GABPB1: variants seen among roughly 807,000 people sequenced by gnomAD.
The protein encoded by GABPB1 is GA-binding protein subunit beta-1.
Under a neutral mutation model 45.9 loss-of-function variants are expected in GABPB1, and 15 were observed. The ratio of observed to expected loss-of-function variants is 0.33; its 90% CI spans 0.22 to 0.50. GABPB1 has a LOEUF of 0.50. GABPB1 is among the 20% of genes least tolerant of loss of function. The probability of loss-of-function intolerance (pLI) is 0.98; values close to 1 mark genes in which losing one functional copy is unlikely to be tolerated. For missense variants in GABPB1, 252 were observed against 457.5 expected, an observed-to-expected ratio of 0.55 and a Z score of 4.10; for synonymous variants, 143 against 154.4, an observed-to-expected ratio of 0.93 and a Z score of 0.55.
chr15:50,336,519 A>T (rs1176360167), intron 1 of GABPB1, among the ~76,000 whole-genome samples: 8 of 151,820 alleles, frequency 5.3e-5, no homozygotes, highest in Non-Finnish European at 2.9e-5. Flanking sequence ...AAAAAATTTA[A>T]AAAAATTTTT....
At chr15:50,303,164 T>C in intron 3 of GABPB1, 41 bp from the exon 4 acceptor site, 10 of 1,475,290 alleles carry the variant, frequency 6.8e-6, no homozygotes, top group Non-Finnish European at 9.2e-6. Context: ...ATATGAAATA[T>C]CACATAAAAA....
At chr15:50,282,560 G>GAAAAAAAAA (rs552203074) in intron 8 of GABPB1, among the ~76,000 whole-genome samples, 7 of 89,014 alleles carry the variant, frequency 7.9e-5, no homozygotes, top group Admixed American at 4.3e-4. Flanking sequence ...CCTTAAAAAA[G>GAAAAAAAAA]AAAAAAAAAA....
At chr15:50,340,705 C>T (rs1334197814) in intron 1 of GABPB1, among the ~76,000 whole-genome samples, 1 of 151,874 alleles carries the variant, frequency 6.6e-6, no homozygotes, top group African/African-American at 2.4e-5. Context: ...TTTTAATATG[C>T]ATTTCTCAAA....
chr15:50,349,259 T>C (rs933312140), intron 1 of GABPB1: 3 of 151,440 alleles, frequency 2.0e-5, no homozygotes, highest in African/African-American at 7.2e-5. Flanking sequence ...CATTACTACC[T>C]TGCCCATATA....
chr15:50,335,393 AT>A (rs1330685726), intron 1 of GABPB1, among the ~76,000 whole-genome samples: 3 of 152,168 alleles, frequency 2.0e-5, no homozygotes, highest in African/African-American at 7.2e-5. Flanking sequence ...ACCTCACCCC[AT>A]AAGACTGATG....
intron 1 of GABPB1, among the ~76,000 whole-genome samples, chr15:50,341,324 G>A (rs1457128137): frequency 5.3e-5 from 8 of 151,978 alleles, no homozygotes; most frequent in African/African-American, 1.2e-4. Flanking sequence ...ACCTGAGGTC[G>A]GAGTTCGAGA....
At chr15:50,287,797 T>C (rs2140981707) in intron 7 of GABPB1, among the ~76,000 whole-genome samples, 1 of 152,348 alleles carries the variant, frequency 6.6e-6, no homozygotes, top group East Asian at 1.9e-4. Flanking sequence ...CATCTGACCC[T>C]AATCCAAATT....
intron 1 of GABPB1, among the ~76,000 whole-genome samples, chr15:50,343,672 G>T (rs2048463800): frequency 6.6e-6 from 1 of 152,068 alleles, no homozygotes; most frequent in Admixed American, 6.6e-5. Flanking sequence ...CCGAGTGGCT[G>T]GGACTACAGG....
intron 1 of GABPB1, chr15:50,354,438 C>G (rs902441741): frequency 1.3e-5 from 6 of 449,316 alleles, no homozygotes; most frequent in Non-Finnish European, 2.2e-5. Context: ...GGCCCCGCAG[C>G]ACAGGGCGCC....
At position 50,277,534 on chromosome 15, in the gene GABPB1, C is replaced by A. The variant is rs1009480840; in HGVS notation, c.*1098G>T. The A allele has an allele frequency of 1.3e-5, 2 of 151,950 alleles. No individual in the cohort carries two copies. The highest frequency in any genetic ancestry group is 4.8e-5 in the African/African-American group (2 of 41,360). The allele number at this position is 151,950 out of a possible 1,614,324, so 9.4% of individuals were successfully genotyped here. ...ATGAGAGCAAGTCATAGCACAGACACTGAGCTTTCAAAAGGAAAAGTAGAA... is the reference window on the plus strand; with the variant it reads ...ATGAGAGCAAGTCATAGCACAGACAATGAGCTTTCAAAAGGAAAAGTAGAA... On this transcript the variant is annotated 3_prime_UTR_variant, in exon 9 of 9. Coordinates refer to ENST00000380877, the MANE Select transcript of GABPB1 (RefSeq NM_016654.5).
intron 6 of GABPB1, among the ~76,000 whole-genome samples, chr15:50,297,514 C>G (rs113716824): frequency 4.6e-5 from 7 of 152,166 alleles, no homozygotes; most frequent in Non-Finnish European, 2.9e-5. Flanking sequence ...GCTCCCGGCA[C>G]TTCTTTTTAA....
At chr15:50,289,030 T>C (rs569727330) in intron 7 of GABPB1, among the ~76,000 whole-genome samples, 71 of 152,302 alleles carry the variant, frequency 4.7e-4, no homozygotes, top group Admixed American at 4.3e-3. Flanking sequence ...TCTCACTATG[T>C]TGCCCAGGCT....
At chr15:50,341,509 G>C (rs576304044) in intron 1 of GABPB1, among the ~76,000 whole-genome samples, 2 of 152,022 alleles carry the variant, frequency 1.3e-5, no homozygotes, top group South Asian at 4.1e-4. Context: ...CTCCAGCCTG[G>C]GCAACAAGAG....
At chr15:50,334,411 T>C (rs1332542297) in intron 1 of GABPB1, among the ~76,000 whole-genome samples, 3 of 152,164 alleles carry the variant, frequency 2.0e-5, no homozygotes, top group African/African-American at 7.2e-5. Context: ...ATCTGATCTA[T>C]ATTCCAGTTT....
At position 50,304,056 on chromosome 15, in the gene GABPB1, C is replaced by T. The variant is rs1331707992; in HGVS notation, c.186G>A (p.Val62=). 1 of 1,613,622 alleles carries T rather than the reference C, an allele frequency of 6.2e-7. No individual in the cohort carries two copies. ...CCACTTTGGTTCTGGCATCTCTGCT[C>T]ACACCAGCTCGCAGCAGTACCTCTG... The part of the protein sequence containing the change: ...STTEVLLRAG[V]SRDARTKVDR... Residue 62 remains valine (V), a synonymous_variant, in exon 3 of 9, where the codon GTG becomes GTA. Transcript: ENST00000380877.
intron 1 of GABPB1, among the ~76,000 whole-genome samples, chr15:50,335,082 G>A (rs1279238649): frequency 6.6e-6 from 1 of 152,308 alleles, no homozygotes; most frequent in Non-Finnish European, 1.5e-5. Flanking sequence ...AGCACCTGGA[G>A]TCAGGAACCA....
At chr15:50,337,978 C>G (rs78539124) in intron 1 of GABPB1, among the ~76,000 whole-genome samples, 2,248 of 152,214 alleles carry the variant, frequency 0.015, 65 homozygotes, top group African/African-American at 0.052. Context: ...AAATCAGATT[C>G]TGAAATATAA....
At chr15:50,316,829 T>C (rs566224896) in intron 1 of GABPB1, among the ~76,000 whole-genome samples, 8 of 152,280 alleles carry the variant, frequency 5.3e-5, no homozygotes, top group African/African-American at 1.9e-4. Flanking sequence ...TTGTAGTATA[T>C]ATAAACTAGA....
At chr15:50,353,064 T>A (rs1355947592) in intron 1 of GABPB1, 1 of 152,250 alleles carries the variant, frequency 6.6e-6, no homozygotes, top group Admixed American at 6.5e-5. Flanking sequence ...TCTTTAAAGA[T>A]AACATTTACA....
Sources: allele counts gnomAD v4.1 joint callset (sites outside exome capture counted in the v4.1 genomes callset), GRCh38; gene constraint gnomAD v4.1.1; transcripts MANE v1.5; gene names NCBI Gene and HGNC (gene_info 2026-07-23, HGNC 2026-07-21).